Variants in CACNA2D3 observed in about 807,000 individuals in gnomAD.
CACNA2D3 encodes calcium voltage-gated channel auxiliary subunit alpha2delta 3.
A neutral mutation model predicts 160.6 loss-of-function variants in CACNA2D3; 60 were observed. The ratio of observed to expected loss-of-function variants is 0.37; its 90% CI spans 0.30 to 0.46. The LOEUF (loss-of-function observed/expected upper bound fraction) is 0.46. Ranked by LOEUF, CACNA2D3 falls within the 20% of genes least tolerant of loss-of-function variation. The probability of loss-of-function intolerance (pLI) is 1.00; values close to 1 mark genes in which losing one functional copy is unlikely to be tolerated. For synonymous variants in CACNA2D3, 558 were observed against 492.9 expected (o/e 1.13, Z -1.75); for missense variants, 1,205 against 1,365.0 (o/e 0.88, Z 1.85).
At chr3:54,698,295 C>T (rs1199157798) in intron 11 of CACNA2D3, among the ~76,000 whole-genome samples, 1 of 152,162 alleles carries the variant, frequency 6.6e-6, no homozygotes, top group East Asian at 1.9e-4. Flanking sequence ...AACTTATTGA[C>T]ACACAGGGAT....
chr3:54,811,465 C>CTTTTTTTTTTTTTT (rs71096451), intron 13 of CACNA2D3, among the ~76,000 whole-genome samples: 5 of 111,614 alleles, frequency 4.5e-5, no homozygotes, highest in Admixed American at 2.0e-4. Context: ...TCCCTCAGTT[C>CTTTTTTTTTTTTTT]TTTTTTTTTT....
At chr3:54,743,216 G>C (rs1165582054) in intron 11 of CACNA2D3, among the ~76,000 whole-genome samples, 1 of 152,178 alleles carries the variant, frequency 6.6e-6, no homozygotes, top group Non-Finnish European at 1.5e-5. Context: ...TCTCACATCT[G>C]TGTTTCAGCT....
At chr3:54,969,262 C>T (rs6790205) in intron 28 of CACNA2D3, among the ~76,000 whole-genome samples, 22,797 of 134,386 alleles carry the variant, frequency 0.17, 2,686 homozygotes, top group African/African-American at 0.35. Flanking sequence ...ATAAAGTAGA[C>T]TTTTTTTTTT....
At chr3:54,204,940 A>T (rs1327822768) in intron 2 of CACNA2D3, among the ~76,000 whole-genome samples, 1 of 152,128 alleles carries the variant, frequency 6.6e-6, no homozygotes, top group Non-Finnish European at 1.5e-5. Flanking sequence ...AAAGTTTTTT[A>T]GAAAAAAACA....
At chr3:54,541,715 T>A (rs953493300) in intron 5 of CACNA2D3, among the ~76,000 whole-genome samples, 1 of 152,160 alleles carries the variant, frequency 6.6e-6, no homozygotes, top group Non-Finnish European at 1.5e-5. Context: ...TCAAGAAAGA[T>A]CATGAAGGAT....
chr3:54,562,480 C>T (rs1233733358), intron 5 of CACNA2D3, among the ~76,000 whole-genome samples: 1 of 152,094 alleles, frequency 6.6e-6, no homozygotes, highest in Non-Finnish European at 1.5e-5. Context: ...AATAAGGTCT[C>T]TCTCTGCTTT....
At chr3:54,479,182 C>T (rs1700892251) in intron 4 of CACNA2D3, among the ~76,000 whole-genome samples, 1 of 152,130 alleles carries the variant, frequency 6.6e-6, no homozygotes, top group South Asian at 2.1e-4. Context: ...CGGCACTTCT[C>T]CTTCCTGCAG....
chr3:54,578,173 A>C (rs578037271), intron 8 of CACNA2D3, among the ~76,000 whole-genome samples: 7 of 152,338 alleles, frequency 4.6e-5, no homozygotes, highest in African/African-American at 1.7e-4. Flanking sequence ...CTGGTAGTGC[A>C]GGGAAGTAAA....
chr3:54,217,596 G>C (rs1701484258), intron 2 of CACNA2D3, among the ~76,000 whole-genome samples: 1 of 152,134 alleles, frequency 6.6e-6, no homozygotes, highest in Admixed American at 6.5e-5. Context: ...GAGACGAAAG[G>C]GATGTGAAGA....
At chr3:54,581,296 G>A (rs183965199) in intron 8 of CACNA2D3, among the ~76,000 whole-genome samples, 17 of 152,348 alleles carry the variant, frequency 1.1e-4, no homozygotes, top group Admixed American at 4.6e-4. Flanking sequence ...GGGAAATTGT[G>A]CATGGACAGT....
At chr3:54,918,445 T>C (rs1700727071) in intron 27 of CACNA2D3, 6 of 1,608,228 alleles carry the variant, frequency 3.7e-6, no homozygotes, top group Non-Finnish European at 8.5e-7. Flanking sequence ...CAATCCTATT[T>C]GAGACAAAAG....
chr3:54,229,321 A>G (rs1219236955), intron 2 of CACNA2D3, among the ~76,000 whole-genome samples: 1 of 151,880 alleles, frequency 6.6e-6, no homozygotes, highest in East Asian at 1.9e-4. Flanking sequence ...CCTCCCGAGT[A>G]GCTGGGACTA....
chr3:54,888,029 C>T lies in CACNA2D3; in HGVS notation c.2127C>T (p.Thr709=), dbSNP rs756206393. 9.3e-6 allele frequency: 15 copies of T among 1,613,638 alleles called. No individual in the cohort carries two copies. The East Asian group carries it at 3.3e-4, about 36-fold the overall frequency. ...GTGCCCCCATTGAAGCGTATTGGAC[C>T]AGCCTGGCCCTCAACAAATCTGAGT... ...VVSAPIEAYW[T]SLALNKSENS... Residue 709 remains threonine, a synonymous_variant, in exon 24 of 38, where the codon ACC becomes ACT. Coordinates refer to ENST00000474759, the MANE Select transcript of CACNA2D3 (RefSeq NM_018398.3).
intron 2 of CACNA2D3, among the ~76,000 whole-genome samples, chr3:54,134,998 A>G (rs886823678): frequency 2.0e-5 from 3 of 152,232 alleles, no homozygotes; most frequent in Non-Finnish European, 4.4e-5. Flanking sequence ...CAGCAAAGGC[A>G]ATTAGGAAGC....
intron 2 of CACNA2D3, among the ~76,000 whole-genome samples, chr3:54,159,449 A>G (rs2107294758): frequency 6.6e-6 from 1 of 152,310 alleles, no homozygotes; most frequent in Admixed American, 6.5e-5. Flanking sequence ...CAGTTTAAGG[A>G]AAAAAATTCT....
chr3:54,787,928 G>A (rs1443555190), intron 13 of CACNA2D3, among the ~76,000 whole-genome samples: 1 of 152,166 alleles, frequency 6.6e-6, no homozygotes, highest in Non-Finnish European at 1.5e-5. Flanking sequence ...GCCTTCAGCT[G>A]AAAATAATCT....
At chr3:54,401,368 A>G (rs1699460557) in intron 4 of CACNA2D3, among the ~76,000 whole-genome samples, 1 of 152,212 alleles carries the variant, frequency 6.6e-6, no homozygotes, top group Non-Finnish European at 1.5e-5. Context: ...GATTCTTGGA[A>G]GAGATTTGGA....
At chr3:54,524,161 C>A (rs1176305015) in intron 5 of CACNA2D3, among the ~76,000 whole-genome samples, 1 of 152,042 alleles carries the variant, frequency 6.6e-6, no homozygotes, top group African/African-American at 2.4e-5. Flanking sequence ...TCTCTAAACA[C>A]TGCTGTAACT....
chr3:55,044,889 T>C (rs1704042730), intron 35 of CACNA2D3, among the ~76,000 whole-genome samples: 1 of 152,208 alleles, frequency 6.6e-6, no homozygotes, highest in African/African-American at 2.4e-5. Flanking sequence ...TATGGACTTC[T>C]TTAGTCTTTA....
Sources: allele counts gnomAD v4.1 joint callset (sites outside exome capture counted in the v4.1 genomes callset), GRCh38; gene constraint gnomAD v4.1.1; transcripts MANE v1.5; gene names NCBI Gene and HGNC (gene_info 2026-07-23, HGNC 2026-07-21).